MACROH2A2: variants seen among roughly 807,000 people sequenced by gnomAD.
MACROH2A2 encodes the protein macroH2A.2 histone.
Under a neutral mutation model 37.6 loss-of-function variants are expected in MACROH2A2, and 6 were observed. That is an observed-to-expected ratio of 0.16 (90% CI 0.09 to 0.32). The LOEUF (loss-of-function observed/expected upper bound fraction) is 0.32. Ranked by LOEUF, MACROH2A2 falls within the 10% of genes least tolerant of loss-of-function variation. MACROH2A2 has a pLI of 1.00. For synonymous variants in MACROH2A2, 192 were observed against 202.7 expected, an observed-to-expected ratio of 0.95 and a Z score of 0.45; for missense variants, 290 against 485.9, an observed-to-expected ratio of 0.60 and a Z score of 3.79.
rs866470719 is a variant in MACROH2A2 at position 70,070,362 on chromosome 10, A to G, written c.-59-5238A>G. 5.3e-5 allele frequency among the ~76,000 whole-genome samples: 8 copies of G among 152,322 alleles called. No homozygotes were observed. The South Asian group carries it at 6.2e-4, about 12-fold the overall frequency. Reference sequence around the variant, plus strand: ...AGCCACAGAGGGAAAAACTTATTATAAAGTACCATGTTCAGGATGATTCTT... The same window carrying G: ...AGCCACAGAGGGAAAAACTTATTATGAAGTACCATGTTCAGGATGATTCTT... On this transcript the variant is annotated intron_variant, in intron 1 of 8. Transcript: ENST00000373255.
At chr10:70,076,444 G>A (rs1001482977) in intron 2 of MACROH2A2, among the ~76,000 whole-genome samples, 3 of 152,160 alleles carry the variant, frequency 2.0e-5, no homozygotes, top group Admixed American at 1.3e-4. Context: ...ACTGAAAGAT[G>A]AGATTTTGCT....
intron 2 of MACROH2A2, among the ~76,000 whole-genome samples, chr10:70,088,841 G>A (rs1209493774): frequency 6.6e-6 from 1 of 152,176 alleles, no homozygotes; most frequent in Non-Finnish European, 1.5e-5. Context: ...CAGTGGCTCA[G>A]GCCTGTAATC....
intron 1 of MACROH2A2, among the ~76,000 whole-genome samples, chr10:70,064,987 C>G (rs1444991303): frequency 2.0e-5 from 3 of 151,746 alleles, no homozygotes; most frequent in Non-Finnish European, 4.4e-5. Flanking sequence ...GAAAGCTCTT[C>G]TATCTGCCTA....
chr10:70,065,571 A>G (rs978817784), intron 1 of MACROH2A2, among the ~76,000 whole-genome samples: 6 of 152,244 alleles, frequency 3.9e-5, no homozygotes, highest in Non-Finnish European at 8.8e-5. Context: ...TGGTGCATTC[A>G]TTAAAGTACA....
intron 2 of MACROH2A2, among the ~76,000 whole-genome samples, chr10:70,082,548 A>G (rs1297954202): frequency 6.6e-6 from 1 of 152,272 alleles, no homozygotes; most frequent in Non-Finnish European, 1.5e-5. Context: ...GTGTCGATCA[A>G]CAGACGAATG....
chr10:70,071,094 T>C (rs534264121), intron 1 of MACROH2A2, among the ~76,000 whole-genome samples: 2,344 of 150,746 alleles, frequency 0.016, 29 homozygotes, highest in Non-Finnish European at 0.021. Context: ...TGTGTGTGTG[T>C]GCGCGTGTGC....
In MACROH2A2 at chr10:70,070,641, G is replaced by A. The variant is rs573271851; in HGVS notation, c.-59-4959G>A. On this transcript the variant is annotated intron_variant, in intron 1 of 8. Transcript: ENST00000373255. ...AGAGTAGCTGGAATTACAGGCACCC[G>A]CCACCACGCCCGGCTAATATTCTGT... Among the ~76,000 whole-genome samples, 469 of 152,102 alleles carry A rather than the reference G, an allele frequency of 3.1e-3. 1 individual carries two copies. Among genetic ancestry groups the A allele is most frequent in the African/African-American group, 0.011 (441 of 41,472 alleles).
rs1437202431 is a variant in MACROH2A2, at chr10:70,053,369, G to T, written c.-60+369G>T. 1.3e-5 allele frequency among the ~76,000 whole-genome samples: 2 copies of T among 151,940 alleles called. No individual in the cohort carries two copies. Among genetic ancestry groups the T allele is most frequent in the Non-Finnish European group, 2.9e-5 (2 of 67,924 alleles). On this transcript the variant is annotated intron_variant, in intron 1 of 8. Transcript: ENST00000373255. The surrounding 1 kb of genome is among the most constrained non-coding windows in gnomAD (Gnocchi z 4.8). The stretch of plus-strand genomic sequence containing the variant: ...AGGTCTCCTGGGAATGCGGAGTTTC[G>T]GGCGCAGGAGCGGGAGGACGGAGGC...
chr10:70,062,173 A>G (rs1186248068), intron 1 of MACROH2A2, among the ~76,000 whole-genome samples: 1 of 152,194 alleles, frequency 6.6e-6, no homozygotes, highest in Admixed American at 6.5e-5. Context: ...ATATATTTCA[A>G]TGTATAGTTA....
chr10:70,106,640 T>C (rs1367004962), intron 7 of MACROH2A2, among the ~76,000 whole-genome samples: 2 of 151,564 alleles, frequency 1.3e-5, no homozygotes, highest in African/African-American at 4.9e-5. Flanking sequence ...CTACTAAAAA[T>C]ACAAAAAATT....
At chr10:70,070,896 ATAG>A (rs1430384387) in intron 1 of MACROH2A2, among the ~76,000 whole-genome samples, 2 of 152,088 alleles carry the variant, frequency 1.3e-5, no homozygotes, top group Admixed American at 1.3e-4. Flanking sequence ...TTGGCAGCTA[ATAG>A]TAGGAAAGTC....
chr10:70,063,810 A>T (rs544921458), intron 1 of MACROH2A2, among the ~76,000 whole-genome samples: 2 of 152,210 alleles, frequency 1.3e-5, no homozygotes, highest in African/African-American at 2.4e-5. Context: ...TCAACAGCAG[A>T]CGGGAGATTG....
At chr10:70,091,181 G>A (rs1403285292) in intron 3 of MACROH2A2, among the ~76,000 whole-genome samples, 1 of 152,298 alleles carries the variant, frequency 6.6e-6, no homozygotes, top group Admixed American at 6.5e-5. Context: ...TGGAATTCCA[G>A]AGCCCTGGGC....
chr10:70,071,300 G>C (rs1185815169), intron 1 of MACROH2A2, among the ~76,000 whole-genome samples: 1 of 152,138 alleles, frequency 6.6e-6, no homozygotes, highest in East Asian at 1.9e-4. Context: ...CATTAACTGA[G>C]AAAAGCACAT....
intron 3 of MACROH2A2, 24 bp from the exon 4 acceptor site, chr10:70,091,733 G>T: frequency 3.3e-6 from 5 of 1,495,690 alleles, no homozygotes; most frequent in Non-Finnish European, 4.7e-6. Context: ...TTTGCTACAT[G>T]AGCGCATGCA....
At chr10:70,086,912 G>A (rs1156944141) in intron 2 of MACROH2A2, among the ~76,000 whole-genome samples, 5 of 152,174 alleles carry the variant, frequency 3.3e-5, no homozygotes, top group South Asian at 2.1e-4. Flanking sequence ...CAAGCCTGCC[G>A]GGAACAGCGG....
At chr10:70,093,326 T>A (rs1262350016) in intron 4 of MACROH2A2, among the ~76,000 whole-genome samples, 1 of 152,216 alleles carries the variant, frequency 6.6e-6, no homozygotes. Context: ...AACCCTACTG[T>A]AGAAGTTGTG....
chr10:70,058,650 A>G (rs150471258), intron 1 of MACROH2A2, among the ~76,000 whole-genome samples: 3 of 152,236 alleles, frequency 2.0e-5, no homozygotes, highest in African/African-American at 4.8e-5. Flanking sequence ...ATATATATAT[A>G]TATACACACA....
rs117209591 is a variant in MACROH2A2, at chr10:70,090,743, T to C, written c.279+577T>C. 1.5e-3 allele frequency among the ~76,000 whole-genome samples: 225 copies of C among 152,332 alleles called. 5 individuals are homozygous for C. In the East Asian group the frequency reaches 0.038, roughly 26 times the overall value. On this transcript the variant is annotated intron_variant, in intron 3 of 8. Coordinates refer to ENST00000373255, the MANE Select transcript of MACROH2A2 (RefSeq NM_018649.3). Reference sequence around the variant, plus strand: ...GGACTGATAATTTCCAGAAATGTAATAAAAATCACTAGAAAAATTAAAAAG... The same window carrying C: ...GGACTGATAATTTCCAGAAATGTAACAAAAATCACTAGAAAAATTAAAAAG...
Sources: allele counts gnomAD v4.1 joint callset (sites outside exome capture counted in the v4.1 genomes callset), GRCh38; gene constraint gnomAD v4.1.1; non-coding constraint Gnocchi (gnomAD v3.1); transcripts MANE v1.5; gene names NCBI Gene and HGNC (gene_info 2026-07-23, HGNC 2026-07-21).